The following RPS6KA2 variants were observed in gnomAD, a reference collection of about 807,000 sequenced individuals.
RPS6KA2 encodes ribosomal protein S6 kinase alpha-2.
In RPS6KA2, 42 loss-of-function variants were observed where a neutral mutation model predicts 91.8. That is an observed-to-expected ratio of 0.46 (90% CI 0.36 to 0.59). The LOEUF (loss-of-function observed/expected upper bound fraction) is 0.59. RPS6KA2 is among the 20% of genes least tolerant of loss of function. The pLI is 0.00. For missense variants in RPS6KA2, 798 were observed against 978.5 expected (o/e 0.82, Z 2.46); for synonymous variants, 414 against 393.6 (o/e 1.05, Z -0.61).
chr6:166,724,766 A>C (rs1317049435), intron 2 of RPS6KA2, among the ~76,000 whole-genome samples: 1 of 152,204 alleles, frequency 6.6e-6, no homozygotes, highest in African/African-American at 2.4e-5. Context: ...GTTTTAATTT[A>C]AGAGTTTTAT....
intron 2 of RPS6KA2, among the ~76,000 whole-genome samples, chr6:166,672,561 T>C (rs563012014): frequency 1.1e-4 from 17 of 152,330 alleles, no homozygotes; most frequent in African/African-American, 3.8e-4. Context: ...ATACCTTCAA[T>C]TCTTTTTCTT....
At chr6:166,738,455 C>A (rs1289975643) in intron 2 of RPS6KA2, among the ~76,000 whole-genome samples, 2 of 152,076 alleles carry the variant, frequency 1.3e-5, no homozygotes, top group African/African-American at 4.8e-5. Context: ...CAAGGTGGAC[C>A]CTCAAAACAG....
At chr6:166,513,695 G>T (rs1782547315) in intron 3 of RPS6KA2, among the ~76,000 whole-genome samples, 1 of 152,170 alleles carries the variant, frequency 6.6e-6, no homozygotes, top group Non-Finnish European at 1.5e-5. Flanking sequence ...GGAAAAGGGG[G>T]AAGCAAGCAA....
intron 2 of RPS6KA2, among the ~76,000 whole-genome samples, chr6:166,680,435 C>T (rs996704480): frequency 1.3e-5 from 2 of 152,198 alleles, no homozygotes; most frequent in Admixed American, 1.3e-4. Context: ...AGGAGACCTA[C>T]CTGCTCTGGT....
At chr6:166,712,704 G>A (rs1789899385) in intron 2 of RPS6KA2, among the ~76,000 whole-genome samples, 1 of 152,204 alleles carries the variant, frequency 6.6e-6, no homozygotes, top group Admixed American at 6.5e-5. Flanking sequence ...GTCCCACCGA[G>A]GCCCACAGGT....
rs1781986685 is a variant in RPS6KA2, at chr6:166,500,470, T to G, written c.604+417A>C. Reference sequence around the variant, plus strand: ...GGGACAGCATCAGTGAGGGCAGCAGTGCAGGCCGCACTCCAGCGAGACTCC... The same window carrying G: ...GGGACAGCATCAGTGAGGGCAGCAGGGCAGGCCGCACTCCAGCGAGACTCC... On this transcript the variant is annotated intron_variant, in intron 7 of 20. Coordinates refer to ENST00000265678, the MANE Select transcript of RPS6KA2 (RefSeq NM_021135.6). This position sits in a 1 kb window ranked among gnomAD's most constrained non-coding sequence, Gnocchi z 4.3. Among the ~76,000 whole-genome samples, 1 of 152,108 alleles carries G rather than the reference T, an allele frequency of 6.6e-6. No individual in the cohort carries two copies. The highest frequency in any genetic ancestry group is 6.5e-5 in the Admixed American group (1 of 15,272).
intron 2 of RPS6KA2, among the ~76,000 whole-genome samples, chr6:166,743,439 C>T (rs1311556558): frequency 6.6e-6 from 1 of 152,236 alleles, no homozygotes; most frequent in African/African-American, 2.4e-5. Context: ...ACTTTAGCCA[C>T]ATCACGGCTT....
At chr6:166,752,248 A>T (rs200505689) in intron 2 of RPS6KA2, among the ~76,000 whole-genome samples, 1 of 152,226 alleles carries the variant, frequency 6.6e-6, no homozygotes, top group East Asian at 1.9e-4. Flanking sequence ...TGTGAGTATG[A>T]TGAAGACATC....
chr6:166,541,439 G>T (rs1471428384), intron 1 of RPS6KA2, among the ~76,000 whole-genome samples: 1 of 152,200 alleles, frequency 6.6e-6, no homozygotes, highest in Non-Finnish European at 1.5e-5. Context: ...ATGAGCTCAT[G>T]CAGTCCCATG....
intron 1 of RPS6KA2, among the ~76,000 whole-genome samples, chr6:166,590,284 G>C (rs1443215725): frequency 6.6e-6 from 1 of 152,242 alleles, no homozygotes; most frequent in East Asian, 1.9e-4. Context: ...AGTAGGCTTT[G>C]AGGAGCAAGA....
chr6:166,681,692 C>CCCCCCCCA (rs1788816131), intron 2 of RPS6KA2, among the ~76,000 whole-genome samples: 3 of 3,072 alleles, frequency 9.8e-4, no homozygotes, highest in African/African-American at 1.7e-3. Flanking sequence ...CCCTGCCCGC[C>CCCCCCCCA]CCCCCCCCCG....
intron 2 of RPS6KA2, among the ~76,000 whole-genome samples, chr6:166,687,831 C>T (rs1037315689): frequency 1.3e-5 from 2 of 152,200 alleles, no homozygotes. Context: ...ATTGCCTTTA[C>T]CAGAATCAAT....
intron 7 of RPS6KA2, among the ~76,000 whole-genome samples, 193 bp from the exon 8 acceptor site, chr6:166,498,843 T>C (rs1038966442): frequency 2.0e-5 from 3 of 152,144 alleles, no homozygotes; most frequent in South Asian, 2.1e-4. Flanking sequence ...CGCCGGTGCC[T>C]GAAGCCGAAA....
intron 2 of RPS6KA2, among the ~76,000 whole-genome samples, chr6:166,672,913 A>G (rs780757236): frequency 6.6e-6 from 1 of 151,470 alleles, no homozygotes; most frequent in Non-Finnish European, 1.5e-5. Context: ...GAGGCTCCGC[A>G]CTCTTCCGCG....
At chr6:166,795,053 C>A (rs1489855568) in intron 2 of RPS6KA2, among the ~76,000 whole-genome samples, 2 of 151,468 alleles carry the variant, frequency 1.3e-5, no homozygotes. Context: ...AAAAATTCAT[C>A]CATTCTAAAA....
At chr6:166,828,627 T>C (rs1387860800) in intron 2 of RPS6KA2, among the ~76,000 whole-genome samples, 2 of 152,214 alleles carry the variant, frequency 1.3e-5, no homozygotes, top group South Asian at 2.1e-4. Context: ...GATATCAAGA[T>C]GCAAAAGAAT....
chr6:166,756,226 C>G lies in RPS6KA2; in HGVS notation c.123+101974G>C, dbSNP rs563984130. Among the ~76,000 whole-genome samples, 254 of 151,914 alleles carry G rather than the reference C, an allele frequency of 1.7e-3. 2 individuals are homozygous for G. The highest frequency in any genetic ancestry group is 5.7e-3 in the African/African-American group (235 of 41,416). On this transcript the variant is annotated intron_variant, in intron 2 of 21. Transcript: ENST00000503859. Reference sequence around the variant, plus strand: ...AATGGCGTGAACCCAGGAGGCAGAGCTTGCAGTGAGCCGAGATCGCACCAC... The same window carrying G: ...AATGGCGTGAACCCAGGAGGCAGAGGTTGCAGTGAGCCGAGATCGCACCAC...
At chr6:166,762,354 T>C (rs1583090908) in intron 2 of RPS6KA2, among the ~76,000 whole-genome samples, 1 of 152,298 alleles carries the variant, frequency 6.6e-6, no homozygotes, top group East Asian at 1.9e-4. Context: ...TGTGTGTTCA[T>C]GCAGTGTGCG....
At chr6:166,724,611 G>A (rs972687818) in intron 2 of RPS6KA2, among the ~76,000 whole-genome samples, 1 of 152,142 alleles carries the variant, frequency 6.6e-6, no homozygotes, top group Non-Finnish European at 1.5e-5. Flanking sequence ...ACACGGCCAC[G>A]GCCTCAGCTT....
Sources: gnomAD v4.1 joint callset for allele counts (sites outside exome capture counted in the v4.1 genomes callset) on GRCh38, gnomAD v4.1.1 for gene constraint, Gnocchi (gnomAD v3.1) non-coding constraint, MANE v1.5 for transcripts, NCBI Gene and HGNC (gene_info 2026-07-23, HGNC 2026-07-21) for gene names.